Variants in GARIN4 observed in about 807,000 individuals in gnomAD.
GARIN4 encodes Golgi-associated RAB2 interactor protein 4.
chr1:212,626,111 C>A, the GARIN4 span: 3 of 1,613,970 alleles, frequency 1.9e-6, no homozygotes, highest in South Asian at 3.3e-5. Context: ...TGGAAGGGAG[C>A]GAACCCAGGC....
the GARIN4 span, chr1:212,625,616 GA>G: frequency 6.2e-7 from 1 of 1,614,122 alleles, no homozygotes; most frequent in African/African-American, 1.3e-5. Flanking sequence ...ACTCCAAAAT[GA>G]CTTTAACAAA....
the GARIN4 span, chr1:212,625,466 G>C: frequency 6.2e-7 from 1 of 1,614,202 alleles, no homozygotes; most frequent in Admixed American, 1.7e-5. Flanking sequence ...GTGGATGCCT[G>C]TGTTTCAGGA....
the GARIN4 span, chr1:212,626,634 T>C: frequency 9.9e-6 from 16 of 1,609,316 alleles, no homozygotes; most frequent in Non-Finnish European, 1.4e-5. Context: ...CCGGACATCA[T>C]GGAGACAGTG....
the GARIN4 span, chr1:212,625,881 T>G: frequency 6.2e-7 from 1 of 1,614,104 alleles, no homozygotes; most frequent in African/African-American, 1.3e-5. Flanking sequence ...ACTGCCAGCA[T>G]GGCTCCAAAC....
At chr1:212,625,648 A>G in the GARIN4 span, 1 of 1,614,208 alleles carries the variant, frequency 6.2e-7, no homozygotes, top group Non-Finnish European at 8.5e-7. Flanking sequence ...TGCTCAATGC[A>G]TCCATCCCCA....
At chr1:212,625,498 C>T in the GARIN4 span, 171 of 1,614,166 alleles carry the variant, frequency 1.1e-4, 1 homozygote, top group South Asian at 1.5e-3. Context: ...GCCTGGGAGC[C>T]GTGAACCTTC....
the GARIN4 span, chr1:212,624,963 A>G: frequency 6.2e-7 from 1 of 1,614,178 alleles, no homozygotes; most frequent in Non-Finnish European, 8.5e-7. Flanking sequence ...GGGAAACTGC[A>G]GCGACAACTG....
the GARIN4 span, chr1:212,626,379 A>C: frequency 6.2e-7 from 1 of 1,614,214 alleles, no homozygotes; most frequent in Non-Finnish European, 8.5e-7. Context: ...ATCTCAAAGG[A>C]GTCCAGGACC....
the GARIN4 span, chr1:212,625,372 C>T: frequency 6.2e-7 from 1 of 1,614,226 alleles, no homozygotes; most frequent in Non-Finnish European, 8.5e-7. Context: ...ACCTCTTTGC[C>T]TATTGGGAAA....
the GARIN4 span, chr1:212,626,447 G>C: frequency 5.0e-6 from 8 of 1,614,190 alleles, no homozygotes; most frequent in Non-Finnish European, 6.8e-6. Flanking sequence ...CAAGGGACTT[G>C]GCAGGGTCAG....
the GARIN4 span, chr1:212,626,552 A>T: frequency 6.2e-7 from 1 of 1,614,154 alleles, no homozygotes; most frequent in East Asian, 2.2e-5. Context: ...GATGGCGGAG[A>T]GGAGCACCAA....
chr1:212,624,943 C>T, the GARIN4 span: 1 of 1,613,862 alleles, frequency 6.2e-7, no homozygotes, highest in East Asian at 2.2e-5. Flanking sequence ...GCATGTTCAA[C>T]ACCACCATGG....
At chr1:212,626,323 G>A in the GARIN4 span, 1 of 1,614,190 alleles carries the variant, frequency 6.2e-7, no homozygotes, top group South Asian at 1.1e-5. Flanking sequence ...GCAACCCGGG[G>A]AGCAGCAGGC....
At chr1:212,625,565 G>T in the GARIN4 span, 1 of 1,614,192 alleles carries the variant, frequency 6.2e-7, no homozygotes. Context: ...GGTCTCTGAG[G>T]TGTGTGGGGC....
At chr1:212,624,854 C>G in the GARIN4 span, 4 of 1,545,980 alleles carry the variant, frequency 2.6e-6, no homozygotes, top group Non-Finnish European at 3.5e-6. Context: ...CTCACCAGTG[C>G]TGCCGTTGTG....
the GARIN4 span, chr1:212,626,301 A>G: frequency 6.2e-7 from 1 of 1,614,150 alleles, no homozygotes; most frequent in South Asian, 1.1e-5. Context: ...GACAAAAAGG[A>G]GAAAGGCTGT....
the GARIN4 span, chr1:212,626,554 G>A: frequency 6.2e-7 from 1 of 1,614,152 alleles, no homozygotes; most frequent in Non-Finnish European, 8.5e-7. Flanking sequence ...TGGCGGAGAG[G>A]AGCACCAACG....
At chr1:212,624,577 G>C in the GARIN4 span, 1 of 276,200 alleles carries the variant, frequency 3.6e-6, no homozygotes. Context: ...GAGGTCAGGG[G>C]GTTAGGTCCA....
chr1:212,626,747 C>T, the GARIN4 span: 66 of 1,498,200 alleles, frequency 4.4e-5, no homozygotes, highest in South Asian at 5.7e-4. Context: ...TCTTTACTGC[C>T]GTTTAAATAA....
Sources: allele counts gnomAD v4.1 joint callset, GRCh38; gene constraint gnomAD v4.1.1; transcripts MANE v1.5; gene names NCBI Gene and HGNC (gene_info 2026-07-23, HGNC 2026-07-21).